The following ADNP variants were observed in gnomAD, a reference collection of about 807,000 sequenced individuals.
ADNP encodes the protein activity-dependent neuroprotector homeobox protein.
ADNP carries 4 observed loss-of-function variants against 84.9 expected under a neutral mutation model. The observed-to-expected ratio is 0.05, with a 90% CI of 0.02 to 0.11. ADNP has a LOEUF of 0.11. Ranked by LOEUF, ADNP falls within the 10% of genes least tolerant of loss-of-function variation. The pLI is 1.00. For missense variants in ADNP, 1,132 were observed against 1,326.0 expected, an observed-to-expected ratio of 0.85 and a Z score of 2.27; for synonymous variants, 554 against 468.1, an observed-to-expected ratio of 1.18 and a Z score of -2.37.
intron 5 of ADNP, among the ~76,000 whole-genome samples, chr20:50,896,639 G>A (rs564914502): frequency 1.3e-5 from 2 of 152,150 alleles, no homozygotes; most frequent in African/African-American, 2.4e-5. Context: ...TAGGCCTACA[G>A]AGAGTCAGAA....
chr20:50,917,964 T>C (rs1983640816), intron 2 of ADNP, among the ~76,000 whole-genome samples: 1 of 152,106 alleles, frequency 6.6e-6, no homozygotes, highest in Non-Finnish European at 1.5e-5. Context: ...AGGCCAAATA[T>C]TGTATGATTC....
At position 50,893,643 on chromosome 20, in the gene ADNP, A is replaced by C; in HGVS notation, c.1071T>G (p.Val357=). Residue 357 remains valine (V), a synonymous_variant, in exon 6 of 6, where the codon GTT becomes GTG. Coordinates refer to ENST00000621696, the MANE Select transcript of ADNP (RefSeq NM_001282531.3). This position sits in a 1 kb window ranked among gnomAD's most constrained non-coding sequence, Gnocchi z 4.4. ...CAGACTGAGATTGTTGAGGAATGGAAACTGGTGCGTTGCCACCTAGACCCA... is the reference window on the plus strand; with the variant it reads ...CAGACTGAGATTGTTGAGGAATGGACACTGGTGCGTTGCCACCTAGACCCA... The part of the protein sequence containing the change: ...MRLGLGGNAP[V]SIPQQSQSVK... The C allele has an allele frequency of 6.2e-7, 1 of 1,614,182 alleles. No homozygotes were observed. Among genetic ancestry groups the C allele is most frequent in the Non-Finnish European group, 8.5e-7 (1 of 1,180,032 alleles).
intron 2 of ADNP, among the ~76,000 whole-genome samples, chr20:50,908,223 AAAG>A (rs1982685704): frequency 1.3e-5 from 2 of 151,018 alleles, no homozygotes; most frequent in South Asian, 4.2e-4. Context: ...AAATATAAGC[AAAG>A]AAGGCTTCCT....
Position 50,892,670 on chromosome 20 carries a change from G to A in ADNP, c.2044C>T (p.Leu682=), listed in dbSNP as rs758671592. Residue 682 remains leucine, a synonymous_variant, in exon 6 of 6, where the codon CTG becomes TTG. Coordinates refer to ENST00000621696, the MANE Select transcript of ADNP (RefSeq NM_001282531.3). ...ACGCCCCTGCAGTGAACTAGATGCA[G>A]AGTGATAGTTGAGGCGGTCATGTTG... The part of the protein sequence containing the change: ...TSNMTASTIT[L]HLVHCRGVGK... The A allele has an allele frequency of 6.2e-7, 1 of 1,614,228 alleles. No individual in the cohort carries two copies. The highest frequency in any genetic ancestry group is 8.5e-7 in the Non-Finnish European group (1 of 1,180,048).
Position 50,891,688 on chromosome 20 carries a change from C to G in ADNP, c.3026G>C (p.Ser1009Thr). ...ESSQSEDARS[S>T]KPAAKKKATM... ...AGCCTTTTTTTTGGCAGCTGGCTTA[C>G]TGCTCCTTGCATCTTCGCTTTGGGA... is the stretch of plus-strand genomic sequence containing the variant. The change falls in exon 6 of 6, where the codon AGT becomes ACT. Residue 1009 changes from serine to threonine, a missense_variant. By Grantham distance (58) the Ser-to-Thr change is moderately conservative (BLOSUM62 1). Transcript: ENST00000621696. The G allele has an allele frequency of 6.2e-7, 1 of 1,614,218 alleles. No individual in the cohort carries two copies. The highest frequency in any genetic ancestry group is 2.2e-5 in the East Asian group (1 of 44,892).
chr20:50,925,730 T>A (rs906345204), intron 2 of ADNP, among the ~76,000 whole-genome samples: 1 of 152,216 alleles, frequency 6.6e-6, no homozygotes, highest in African/African-American at 2.4e-5. Flanking sequence ...ACTAACAACA[T>A]AGAAGGTGTT....
rs1010737621 is a variant in ADNP at position 50,931,430 on chromosome 20, CGAGA to C, written c.-873_-870del. On this transcript the variant is annotated 5_prime_UTR_variant, in exon 1 of 6. Coordinates refer to ENST00000621696, the MANE Select transcript of ADNP (RefSeq NM_001282531.3). ...AACCTGCCCTAGCCAAAATGGCGGC[CGAGA>C]AAGAGCGGAAGTGACGTAAGTGCCT... is the stretch of plus-strand genomic sequence containing the variant. The C allele has an allele frequency of 1.3e-5, 2 of 152,440 alleles. No individual in the cohort carries two copies. Among genetic ancestry groups the C allele is most frequent in the African/African-American group, 4.8e-5 (2 of 41,344 alleles). 9.4% of individuals were successfully genotyped at this position (152,440 alleles called of 1,614,324 possible).
At chr20:50,910,357 C>T (rs959048794) in intron 2 of ADNP, among the ~76,000 whole-genome samples, 4 of 152,322 alleles carry the variant, frequency 2.6e-5, no homozygotes, top group African/African-American at 9.6e-5. Context: ...GGTGTGGGTG[C>T]AATGTCTCAC....
At chr20:50,926,297 G>T (rs1307454936) in intron 2 of ADNP, among the ~76,000 whole-genome samples, 1 of 152,210 alleles carries the variant, frequency 6.6e-6, no homozygotes, top group Non-Finnish European at 1.5e-5. Context: ...TTTACCTTAT[G>T]TAAGACATAA....
intron 2 of ADNP, among the ~76,000 whole-genome samples, chr20:50,916,394 A>T (rs1983512965): frequency 6.6e-6 from 1 of 152,174 alleles, no homozygotes; most frequent in Admixed American, 6.5e-5. Context: ...ACCTGCCCAT[A>T]GCTCTCAGGC....
At chr20:50,910,602 T>C (rs1284257376) in intron 2 of ADNP, among the ~76,000 whole-genome samples, 1 of 151,858 alleles carries the variant, frequency 6.6e-6, no homozygotes, top group Non-Finnish European at 1.5e-5. Flanking sequence ...AAATAGAGAG[T>C]AACTAGCTTT....
rs1292469173 is a variant in ADNP, at chr20:50,889,884, G to C, written c.*1521C>G. 1 of 398,544 alleles carries C rather than the reference G, an allele frequency of 2.5e-6. No homozygotes were observed. Among genetic ancestry groups the C allele is most frequent in the Non-Finnish European group, 4.4e-6 (1 of 226,074 alleles). 24.7% of individuals were successfully genotyped at this position (398,544 alleles called of 1,614,324 possible). ...TCCCTTAATAGCAAGAGGGCCAAGA[G>C]TGGCAAATAGAGGCAGAGCCGCCTG... On this transcript the variant is annotated 3_prime_UTR_variant, in exon 6 of 6. Transcript: ENST00000621696.
rs546155478 is a variant in ADNP at position 50,919,426 on chromosome 20, G to A, written c.-90+9225C>T. 1.2e-3 allele frequency among the ~76,000 whole-genome samples: 176 copies of A among 151,982 alleles called. 1 individual carries two copies. The highest frequency in any genetic ancestry group is 4.1e-3 in the African/African-American group (168 of 41,414). On this transcript the variant is annotated intron_variant, in intron 2 of 5. Coordinates refer to ENST00000621696, the MANE Select transcript of ADNP (RefSeq NM_001282531.3). Reference sequence around the variant, plus strand: ...GCTATGATGGTGCCACTATACTCCAGCCTGCGTTACAAAGGGAGACCCTGG... The same window carrying A: ...GCTATGATGGTGCCACTATACTCCAACCTGCGTTACAAAGGGAGACCCTGG...
At chr20:50,895,823 G>T (rs73128488) in intron 5 of ADNP, among the ~76,000 whole-genome samples, 1 of 152,082 alleles carries the variant, frequency 6.6e-6, no homozygotes, top group African/African-American at 2.4e-5. Context: ...CCGCTGTGCC[G>T]AGCCCTAAAA....
intron 2 of ADNP, among the ~76,000 whole-genome samples, chr20:50,906,298 GAA>G (rs1982470120): frequency 4.6e-5 from 7 of 152,188 alleles, no homozygotes; most frequent in African/African-American, 1.7e-4. Flanking sequence ...CAGAAATACA[GAA>G]AAGTGTCACA....
At position 50,921,249 on chromosome 20, in the gene ADNP, A is replaced by AT. The variant is rs1166124170; in HGVS notation, c.-90+7401dup. Reference sequence around the variant, plus strand: ...TGACTGAGAATCAGATGTGGTTGCCATAACAACATCTGTTCCTGTACACAT... The same window carrying AT: ...TGACTGAGAATCAGATGTGGTTGCCATTAACAACATCTGTTCCTGTACACAT... On this transcript the variant is annotated intron_variant, in intron 2 of 5. Coordinates refer to ENST00000621696, the MANE Select transcript of ADNP (RefSeq NM_001282531.3). 3.3e-5 allele frequency among the ~76,000 whole-genome samples: 5 copies of AT among 152,264 alleles called. No homozygotes were observed. The East Asian group carries it at 9.6e-4, about 29-fold the overall frequency.
At position 50,894,236 on chromosome 20, in the gene ADNP, C is replaced by T. The variant is rs1246848193; in HGVS notation, c.478G>A (p.Val160Ile). 1 of 1,614,178 alleles carries T rather than the reference C, an allele frequency of 6.2e-7. No homozygotes were observed. The highest frequency in any genetic ancestry group is 1.7e-5 in the Admixed American group (1 of 60,018). ...TTACAGTAATAAACAGCTTGCTCTA[C>T]ACTGTCAGCCTGCTTAGGTTTAAGG... ...DGLKPKQADSVEQAVYYCKKC... is the reference protein window; with the variant it reads ...DGLKPKQADSIEQAVYYCKKC... Residue 160 changes from valine (V) to isoleucine (I), a missense_variant, in exon 6 of 6, where the codon GTA becomes ATA. Physicochemically the swap from Val to Ile is conservative, Grantham distance 29. Transcript: ENST00000621696.
In ADNP at chr20:50,889,420, T is replaced by A. The variant is rs1005148920; in HGVS notation, c.*1985A>T. ...TGTCCTAAGTTTTGGCTGGTGCATG[T>A]AGAACTTATAATCTACCTGTATAAC... On this transcript the variant is annotated 3_prime_UTR_variant, in exon 6 of 6. Transcript: ENST00000621696. 3 of 153,578 alleles carry A rather than the reference T, an allele frequency of 2.0e-5. No homozygotes were observed. The highest frequency in any genetic ancestry group is 7.2e-5 in the African/African-American group (3 of 41,542). The allele number at this position is 153,578 out of a possible 1,614,324, so 9.5% of individuals were successfully genotyped here. A position where few individuals can be genotyped will look rare whatever the true frequency, so the allele number is the denominator to read the frequency against.
chr20:50,911,193 G>T (rs867723775), intron 2 of ADNP, among the ~76,000 whole-genome samples: 1 of 152,182 alleles, frequency 6.6e-6, no homozygotes, highest in East Asian at 1.9e-4. Context: ...CATGATATTT[G>T]TATCTGTGCA....
Sources: allele counts gnomAD v4.1 joint callset (sites outside exome capture counted in the v4.1 genomes callset), GRCh38; gene constraint gnomAD v4.1.1; non-coding constraint Gnocchi (gnomAD v3.1); transcripts MANE v1.5; gene names NCBI Gene and HGNC (gene_info 2026-07-23, HGNC 2026-07-21).